Variants in HS2ST1 observed in about 807,000 individuals in gnomAD.
HS2ST1 encodes 2-O-sulfotransferase.
HS2ST1 carries 18 observed loss-of-function variants against 42.9 expected under a neutral mutation model. The observed-to-expected ratio is 0.42, with a 90% confidence interval of 0.29 to 0.62. The LOEUF (loss-of-function observed/expected upper bound fraction) is 0.62. Among genes scored for constraint, HS2ST1 ranks in the 20% least tolerant of loss-of-function variants. The probability of loss-of-function intolerance (pLI) is 0.21; values close to 1 mark genes in which losing one functional copy is unlikely to be tolerated. For missense variants in HS2ST1, 334 were observed against 433.8 expected (o/e 0.77, Z 2.04); for synonymous variants, 146 against 152.9 (o/e 0.95, Z 0.33).
intron 1 of HS2ST1, among the ~76,000 whole-genome samples, chr1:86,952,746 A>G (rs1294494738): frequency 2.0e-5 from 3 of 152,234 alleles, no homozygotes; most frequent in Non-Finnish European, 2.9e-5. Flanking sequence ...TAAAATATTC[A>G]GTAAACCGGG....
At chr1:86,982,087 C>T (rs1023152706) in intron 1 of HS2ST1, among the ~76,000 whole-genome samples, 4 of 152,218 alleles carry the variant, frequency 2.6e-5, no homozygotes, top group African/African-American at 7.2e-5. Flanking sequence ...TGCTTGGGGG[C>T]GTGCACCCTC....
Position 87,104,912 on chromosome 1 carries a change from G to A in HS2ST1, c.*216G>A. 2.1e-6 allele frequency: 1 copy of A among 474,294 alleles called. No individual in the cohort carries two copies. The highest frequency in any genetic ancestry group is 3.7e-6 in the Non-Finnish European group (1 of 268,218). The allele number at this position is 474,294 out of a possible 1,614,324, so 29.4% of individuals were successfully genotyped here. A position where few individuals can be genotyped will look rare whatever the true frequency, so the allele number is the denominator to read the frequency against. ...TTTTTATTTTTCCTGGCTAAACGTT[G>A]GTGAAAGTTATAACCTCCTGCCTGG... On this transcript the variant is annotated 3_prime_UTR_variant, in exon 7 of 7. Transcript: ENST00000370550.
At chr1:87,042,609 G>C (rs1052739548) in intron 1 of HS2ST1, among the ~76,000 whole-genome samples, 7 of 152,190 alleles carry the variant, frequency 4.6e-5, no homozygotes, top group Admixed American at 6.5e-5. Context: ...GAGAGAGGAA[G>C]TACTCTTTTG....
At chr1:87,017,084 T>C (rs554038473) in intron 1 of HS2ST1, among the ~76,000 whole-genome samples, 1 of 151,718 alleles carries the variant, frequency 6.6e-6, no homozygotes, top group African/African-American at 2.4e-5. Flanking sequence ...AAATTAAGAG[T>C]GCAGGGAATG....
At chr1:87,039,297 A>G (rs950057872) in intron 1 of HS2ST1, among the ~76,000 whole-genome samples, 19 of 152,208 alleles carry the variant, frequency 1.2e-4, no homozygotes, top group Non-Finnish European at 4.4e-5. Flanking sequence ...CAGCAATATT[A>G]CCAATAACCA....
intron 5 of HS2ST1, among the ~76,000 whole-genome samples, chr1:87,100,903 T>C (rs1355219359): frequency 1.3e-5 from 2 of 152,110 alleles, no homozygotes; most frequent in African/African-American, 4.8e-5. Context: ...CAAGACCCTG[T>C]CTTTAAAACA....
At chr1:87,090,620 G>C (rs375906063) in intron 3 of HS2ST1, among the ~76,000 whole-genome samples, 19 of 152,134 alleles carry the variant, frequency 1.2e-4, no homozygotes, top group African/African-American at 4.6e-4. Flanking sequence ...TTCCAAAACA[G>C]CAGCCAATGA....
chr1:86,949,765 T>C (rs541707172), intron 1 of HS2ST1, among the ~76,000 whole-genome samples: 4 of 152,178 alleles, frequency 2.6e-5, no homozygotes, highest in Non-Finnish European at 4.4e-5. Context: ...GAAACTTACA[T>C]TGGACACTGT....
At chr1:86,978,861 CTTTTTTTT>C (rs55812524) in intron 1 of HS2ST1, among the ~76,000 whole-genome samples, 2 of 98,672 alleles carry the variant, frequency 2.0e-5, no homozygotes, top group Admixed American at 2.9e-4. Context: ...ACTTGTGAAT[CTTTTTTTT>C]TTTTTTTTTT....
intron 1 of HS2ST1, among the ~76,000 whole-genome samples, chr1:87,042,655 T>G (rs891190554): frequency 6.6e-5 from 10 of 152,104 alleles, no homozygotes; most frequent in Admixed American, 2.0e-4. Context: ...ATAAAGGCCC[T>G]TTTCTTTCAG....
intron 1 of HS2ST1, among the ~76,000 whole-genome samples, chr1:87,069,694 A>G (rs1040584717): frequency 2.6e-5 from 4 of 152,196 alleles, no homozygotes; most frequent in Non-Finnish European, 5.9e-5. Context: ...CAAAGTAAAA[A>G]CACTTGAAAA....
chr1:86,963,808 C>A (rs1463665072), intron 1 of HS2ST1, among the ~76,000 whole-genome samples: 1 of 145,662 alleles, frequency 6.9e-6, no homozygotes, highest in African/African-American at 2.5e-5. Flanking sequence ...ACCTCCCCCC[C>A]TGGACGGGGC....
intron 1 of HS2ST1, among the ~76,000 whole-genome samples, chr1:86,978,882 T>TTTG (rs1648500274): frequency 6.7e-6 from 1 of 148,256 alleles, no homozygotes; most frequent in African/African-American, 2.5e-5. Context: ...TTTTTTTTTT[T>TTTG]GAGACAGGCC....
At chr1:86,978,182 G>A (rs989450762) in intron 1 of HS2ST1, among the ~76,000 whole-genome samples, 5 of 152,108 alleles carry the variant, frequency 3.3e-5, no homozygotes, top group African/African-American at 9.7e-5. Flanking sequence ...TCTGATGTTC[G>A]CACAATGATG....
Position 86,915,113 on chromosome 1 carries a change from T to A in HS2ST1, c.77T>A (p.Phe26Tyr), listed in dbSNP as rs1468187189. ...GTGGCCTTCGCGGTGGCGATGCTCT[T>A]CTTGGAAAACCAGATCCAGAAACTG... ...AVVAFAVAML[F>Y]LENQIQKLEE... The change falls in exon 1 of 7, where the codon TTC becomes TAC. Residue 26 changes from phenylalanine to tyrosine, a missense_variant. Phe to Tyr is a conservative substitution (Grantham distance 22). Transcript: ENST00000370550. 6.2e-7 allele frequency: 1 copy of A among 1,614,134 alleles called. No individual in the cohort carries two copies. Among genetic ancestry groups the A allele is most frequent in the Non-Finnish European group, 8.5e-7 (1 of 1,180,002 alleles).
At position 87,073,507 on chromosome 1, in the gene HS2ST1, T is replaced by C. The variant is rs186478940; in HGVS notation, c.363+335T>C. On this transcript the variant is annotated intron_variant, in intron 2 of 6. Transcript: ENST00000370550. The stretch of plus-strand genomic sequence containing the variant: ...CAATAAAAATTATTGTCTCAACTTA[T>C]GATGGAGAAATATTTGATGGATACT... 2.2e-4 allele frequency among the ~76,000 whole-genome samples: 33 copies of C among 152,264 alleles called. No individual in the cohort carries two copies. The East Asian group carries it at 5.6e-3, about 26-fold the overall frequency.
intron 1 of HS2ST1, among the ~76,000 whole-genome samples, chr1:87,001,776 G>T (rs1241224798): frequency 6.6e-6 from 1 of 152,038 alleles, no homozygotes; most frequent in Non-Finnish European, 1.5e-5. Context: ...ACCACACCTG[G>T]CTAATTTTGT....
At chr1:87,018,421 A>G (rs574941665) in intron 1 of HS2ST1, among the ~76,000 whole-genome samples, 35 of 152,244 alleles carry the variant, frequency 2.3e-4, no homozygotes, top group African/African-American at 8.2e-4. Flanking sequence ...GCAGAACCCT[A>G]TACCCTATCC....
In HS2ST1 at chr1:87,072,977, A is replaced by G; in HGVS notation, c.168A>G (p.Arg56=). The part of the protein sequence containing the change: ...ARHEVREIEQ[R]HTMDGPRQDA... ...ACGAAGTCCGAGAAATTGAGCAGCG[A>G]CATACAATGGATGGCCCTCGGCAAG... is the stretch of plus-strand genomic sequence containing the variant. Residue 56 remains arginine, a synonymous_variant, in exon 2 of 7, where the codon CGA becomes CGG. Coordinates refer to ENST00000370550, the MANE Select transcript of HS2ST1 (RefSeq NM_012262.4). 1.2e-6 allele frequency: 2 copies of G among 1,614,118 alleles called. No homozygotes were observed. Among genetic ancestry groups the G allele is most frequent in the Non-Finnish European group, 1.7e-6 (2 of 1,179,992 alleles).
Sources: gnomAD v4.1 joint callset for allele counts (sites outside exome capture counted in the v4.1 genomes callset) on GRCh38, gnomAD v4.1.1 for gene constraint, MANE v1.5 for transcripts, NCBI Gene and HGNC (gene_info 2026-07-23, HGNC 2026-07-21) for gene names.